The following PDE3B variants were observed in gnomAD, a reference collection of about 807,000 sequenced individuals.
PDE3B encodes phosphodiesterase 3B.
PDE3B carries 66 observed loss-of-function variants against 116.8 expected under a neutral mutation model. The ratio of observed to expected loss-of-function variants is 0.56; its 90% CI spans 0.46 to 0.69. The LOEUF is 0.69. PDE3B is among the 30% of genes least tolerant of loss of function. The pLI, the probability that PDE3B is intolerant of heterozygous loss-of-function variation, is 0.00. For missense variants in PDE3B, 1,384 were observed against 1,368.1 expected (o/e 1.01, Z -0.18); for synonymous variants, 595 against 533.6 (o/e 1.12, Z -1.59).
intron 7 of PDE3B, among the ~76,000 whole-genome samples, chr11:14,830,011 C>A (rs1278676219): frequency 2.0e-5 from 3 of 152,100 alleles, no homozygotes; most frequent in Non-Finnish European, 2.9e-5. Flanking sequence ...GCCTGGCTTC[C>A]TTCACTAAAC....
chr11:14,885,724 A>G, the PDE3B span: 1 of 1,573,688 alleles, frequency 6.4e-7, no homozygotes, highest in East Asian at 2.2e-5. Flanking sequence ...AAAATAAGGA[A>G]TGTGATTTAA....
At position 14,745,548 on chromosome 11, in the gene PDE3B, T is replaced by C. The variant is rs528859511; in HGVS notation, c.979-26389T>C. Among the ~76,000 whole-genome samples, 26 of 152,362 alleles carry C rather than the reference T, an allele frequency of 1.7e-4. 2 individuals carry two copies. The South Asian group carries it at 5.0e-3, about 29-fold the overall frequency. ...ATATAAAAATGTACTTTTAGAAGTA[T>C]TGATTTCTGCTCACCATCATTTGTC... is the stretch of plus-strand genomic sequence containing the variant. On this transcript the variant is annotated intron_variant, in intron 1 of 15. Transcript: ENST00000282096.
At chr11:14,740,743 T>C (rs915403734) in intron 1 of PDE3B, among the ~76,000 whole-genome samples, 8 of 152,210 alleles carry the variant, frequency 5.3e-5, no homozygotes, top group Admixed American at 3.3e-4. Flanking sequence ...GCATTTAGTC[T>C]GTAAATTCCT....
chr11:14,659,570 C>T (rs539526617), intron 1 of PDE3B, among the ~76,000 whole-genome samples: 2 of 152,130 alleles, frequency 1.3e-5, no homozygotes, highest in Non-Finnish European at 2.9e-5. Context: ...AAACTTGTGT[C>T]ATGGGAGTTT....
intron 11 of PDE3B, among the ~76,000 whole-genome samples, chr11:14,840,579 T>G (rs1041941801): frequency 6.6e-6 from 1 of 152,240 alleles, no homozygotes; most frequent in Admixed American, 6.5e-5. Flanking sequence ...GAATTCCCTA[T>G]GACCAGTTGA....
At chr11:14,883,784 A>C in the PDE3B span, among the ~76,000 whole-genome samples, 1 of 152,198 alleles carries the variant, frequency 6.6e-6, no homozygotes, top group South Asian at 2.1e-4. Context: ...CAACCTACTC[A>C]TCTGACAAAG....
At chr11:14,828,242 T>C (rs1446624500) in intron 7 of PDE3B, among the ~76,000 whole-genome samples, 1 of 152,186 alleles carries the variant, frequency 6.6e-6, no homozygotes, top group African/African-American at 2.4e-5. Context: ...GTCAATACCA[T>C]TCTGGATATA....
chr11:14,869,237 T>G (rs1377613228), intron 15 of PDE3B, among the ~76,000 whole-genome samples: 1 of 152,124 alleles, frequency 6.6e-6, no homozygotes, highest in Non-Finnish European at 1.5e-5. Flanking sequence ...CCTGTTTTGC[T>G]TCTTTCTGTT....
At chr11:14,757,773 A>G (rs1659167001) in intron 1 of PDE3B, among the ~76,000 whole-genome samples, 1 of 150,598 alleles carries the variant, frequency 6.6e-6, no homozygotes, top group East Asian at 1.9e-4. Context: ...CTCTGATGGT[A>G]GTTTCTTTTG....
intron 5 of PDE3B, among the ~76,000 whole-genome samples, chr11:14,817,859 G>T (rs1413932723): frequency 6.6e-6 from 1 of 152,206 alleles, no homozygotes; most frequent in Non-Finnish European, 1.5e-5. Context: ...ATAGGTGAAA[G>T]TTAAAGACCA....
intron 1 of PDE3B, among the ~76,000 whole-genome samples, chr11:14,655,750 G>A (rs879501997): frequency 2.6e-5 from 4 of 152,172 alleles, no homozygotes; most frequent in Non-Finnish European, 5.9e-5. Context: ...ACTTGATTAA[G>A]TAGAGACAGG....
intron 1 of PDE3B, among the ~76,000 whole-genome samples, chr11:14,753,069 G>C (rs1857096989): frequency 6.6e-6 from 1 of 152,056 alleles, no homozygotes; most frequent in Non-Finnish European, 1.5e-5. Context: ...AGGAGTCTAG[G>C]ATCCCTGTTT....
At chr11:14,697,765 A>T (rs1168718392) in intron 1 of PDE3B, among the ~76,000 whole-genome samples, 1 of 152,004 alleles carries the variant, frequency 6.6e-6, no homozygotes, top group African/African-American at 2.4e-5. Flanking sequence ...CTCAATTTTT[A>T]GTTTTCAGTT....
the PDE3B span, chr11:14,886,465 G>A: frequency 6.4e-6 from 1 of 155,498 alleles, no homozygotes; most frequent in African/African-American, 2.4e-5. Context: ...TCCACAAAGT[G>A]AATGAAGAGG....
intron 12 of PDE3B, among the ~76,000 whole-genome samples, chr11:14,847,528 T>G (rs1414745686): frequency 6.6e-6 from 1 of 151,576 alleles, no homozygotes; most frequent in Non-Finnish European, 1.5e-5. Flanking sequence ...CAAAAAACCC[T>G]TCAAAAAATC....
chr11:14,881,761 A>G, the PDE3B span, among the ~76,000 whole-genome samples: 3 of 152,098 alleles, frequency 2.0e-5, no homozygotes, highest in Non-Finnish European at 4.4e-5. Flanking sequence ...GCCTTCTGCC[A>G]TGATTGTGAG....
In PDE3B at chr11:14,705,200, T is replaced by G. The variant is rs117846086; in HGVS notation, c.978+60147T>G. On this transcript the variant is annotated intron_variant, in intron 1 of 15. Transcript: ENST00000282096. ...GAAAACAGATATCCACACAAAAATTTCGTCATGCATGTTTATAGCAGTTAA... is the reference window on the plus strand; with the variant it reads ...GAAAACAGATATCCACACAAAAATTGCGTCATGCATGTTTATAGCAGTTAA... 1.3e-3 allele frequency among the ~76,000 whole-genome samples: 191 copies of G among 151,878 alleles called. 4 individuals are homozygous for G. The East Asian group carries it at 0.033, about 26-fold the overall frequency.
chr11:14,672,896 G>T (rs1489497040), intron 1 of PDE3B, among the ~76,000 whole-genome samples: 3 of 151,104 alleles, frequency 2.0e-5, no homozygotes, highest in African/African-American at 7.3e-5. Context: ...TTTTAGCTGG[G>T]GAGTCATAGC....
At chr11:14,718,714 T>C (rs1855997598) in intron 1 of PDE3B, among the ~76,000 whole-genome samples, 1 of 150,450 alleles carries the variant, frequency 6.6e-6, no homozygotes, top group Non-Finnish European at 1.5e-5. Context: ...AGATGTTCTT[T>C]GAAACCAACG....
Sources: gnomAD v4.1 joint callset for allele counts (sites outside exome capture counted in the v4.1 genomes callset) on GRCh38, gnomAD v4.1.1 for gene constraint, MANE v1.5 for transcripts, NCBI Gene and HGNC (gene_info 2026-07-23, HGNC 2026-07-21) for gene names.